PRUNE2: variants seen among roughly 807,000 people sequenced by gnomAD.
PRUNE2 encodes prune homolog 2 with BCH domain.
In PRUNE2, 164 loss-of-function variants were observed where a neutral mutation model predicts 252.0. The ratio of observed to expected loss-of-function variants is 0.65; its 90% CI spans 0.57 to 0.74. The LOEUF is 0.74. Among genes scored for constraint, PRUNE2 ranks in the 30% least tolerant of loss-of-function variants. The pLI, the probability that PRUNE2 is intolerant of heterozygous loss-of-function variation, is 0.00. For missense variants in PRUNE2, 3,495 were observed against 3,711.0 expected, an observed-to-expected ratio of 0.94 and a Z score of 1.51; for synonymous variants, 1,292 against 1,350.2, an observed-to-expected ratio of 0.96 and a Z score of 0.94.
chr9:76,746,711 CAAAAAAAAAAAA>C (rs57001696), intron 6 of PRUNE2, among the ~76,000 whole-genome samples: 16 of 76,132 alleles, frequency 2.1e-4, no homozygotes, highest in Admixed American at 3.5e-4. Context: ...GACTCCGTCT[CAAAAAAAAAAAA>C]AAAAAAAAAA....
chr9:76,625,130 T>A, intron 16 of PRUNE2: 1 of 1,032,366 alleles, frequency 9.7e-7, no homozygotes, highest in Non-Finnish European at 1.3e-6. Context: ...GTAAATGATT[T>A]AAATGACAGT....
chr9:76,798,346 T>G (rs1305415168), intron 6 of PRUNE2, among the ~76,000 whole-genome samples: 2 of 152,208 alleles, frequency 1.3e-5, no homozygotes, highest in African/African-American at 4.8e-5. Context: ...CTTTATGAAT[T>G]TGACTACTTT....
chr9:76,640,809 G>A (rs1045134581), intron 12 of PRUNE2, among the ~76,000 whole-genome samples: 15 of 152,140 alleles, frequency 9.9e-5, no homozygotes, highest in Non-Finnish European at 2.2e-4. Flanking sequence ...AAAGACAGAC[G>A]TTCATTAAAA....
chr9:76,813,332 T>C (rs1404472953), intron 6 of PRUNE2, among the ~76,000 whole-genome samples: 1 of 152,232 alleles, frequency 6.6e-6, no homozygotes, highest in Non-Finnish European at 1.5e-5. Context: ...ATCCTCAGTT[T>C]GGGCTCCTGG....
At chr9:76,852,806 GTCTATCTATCTA>G (rs71354689) in intron 2 of PRUNE2, among the ~76,000 whole-genome samples, 92 of 76,536 alleles carry the variant, frequency 1.2e-3, no homozygotes, top group African/African-American at 3.2e-3. Context: ...CTGTCTGTCT[GTCTATCTATCTA>G]TCTATCTATC....
chr9:76,892,063 G>C, intron 1 of PRUNE2, among the ~76,000 whole-genome samples: 1 of 151,794 alleles, frequency 6.6e-6, no homozygotes, highest in Non-Finnish European at 1.5e-5. Context: ...AGAGAAAGTA[G>C]CCCCCCCAGC....
chr9:76,745,221 T>G (rs937925135), intron 6 of PRUNE2, among the ~76,000 whole-genome samples: 6 of 152,176 alleles, frequency 3.9e-5, no homozygotes, highest in Non-Finnish European at 5.9e-5. Flanking sequence ...TTGGGGGACA[T>G]TAAGTTTATA....
At chr9:76,674,230 C>A (rs2042081381) in intron 9 of PRUNE2, among the ~76,000 whole-genome samples, 1 of 152,088 alleles carries the variant, frequency 6.6e-6, no homozygotes, top group African/African-American at 2.4e-5. Flanking sequence ...AATCAATGTA[C>A]AAAAATCTCA....
intron 6 of PRUNE2, among the ~76,000 whole-genome samples, chr9:76,720,470 A>G (rs547405580): frequency 1.3e-5 from 2 of 152,286 alleles, no homozygotes; most frequent in African/African-American, 4.8e-5. Flanking sequence ...CATTTTCATG[A>G]GCCTTAGTTT....
At chr9:76,723,165 C>A (rs2047793222) in intron 6 of PRUNE2, among the ~76,000 whole-genome samples, 1 of 152,048 alleles carries the variant, frequency 6.6e-6, no homozygotes, top group African/African-American at 2.4e-5. Flanking sequence ...TGAAAAAACC[C>A]AAAACTTCTA....
At position 76,706,208 on chromosome 9, in the gene PRUNE2, A is replaced by G. The variant is rs757263277; in HGVS notation, c.6066T>C (p.Ser2022=). The G allele has an allele frequency of 6.2e-7, 1 of 1,613,988 alleles. No individual in the cohort carries two copies. The highest frequency in any genetic ancestry group is 1.1e-5 in the South Asian group (1 of 91,088). The change falls in exon 8 of 19, where the codon AGT becomes AGC. Residue 2022 remains serine, a synonymous_variant. Transcript: ENST00000376718. ...SIATENFPAV[S]SPTQLIMKPG... is the part of the protein sequence containing the mutation. The stretch of plus-strand genomic sequence containing the variant: ...GCTTCATTATCAGTTGGGTGGGAGA[A>G]CTGACAGCAGGAAAATTTTCTGTGG...
At chr9:76,798,736 C>T (rs571957455) in intron 6 of PRUNE2, among the ~76,000 whole-genome samples, 40 of 152,334 alleles carry the variant, frequency 2.6e-4, no homozygotes, top group Admixed American at 2.4e-3. Flanking sequence ...CCCCCATCTT[C>T]TCTATTATTA....
In PRUNE2 at chr9:76,889,484, C is replaced by T. The variant is rs558106386; in HGVS notation, c.36+16444G>A. Among the ~76,000 whole-genome samples the T allele has an allele frequency of 3.3e-5, 5 of 152,094 alleles. No individual in the cohort carries two copies. The South Asian group carries it at 8.3e-4, about 25-fold the overall frequency. On this transcript the variant is annotated intron_variant, in intron 1 of 18. Transcript: ENST00000376718. ...TACAGGTGCACACCACTAAGCCCAG[C>T]TACTTTTTGATTTTTAGTAGAAACG...
chr9:76,636,625 CAT>C, intron 14 of PRUNE2, 68 bp from the exon 15 acceptor site: 1 of 819,060 alleles, frequency 1.2e-6, no homozygotes, highest in South Asian at 1.5e-5. Context: ...AAACATAAAA[CAT>C]ATTCCTAAAT....
chr9:76,751,754 G>T (rs561658484), intron 6 of PRUNE2, among the ~76,000 whole-genome samples: 85 of 152,276 alleles, frequency 5.6e-4, no homozygotes, highest in Non-Finnish European at 8.5e-4. Flanking sequence ...AAATAGATTT[G>T]GTTAGACAGT....
chr9:76,835,345 T>G (rs1284948812), intron 4 of PRUNE2, among the ~76,000 whole-genome samples: 3 of 151,750 alleles, frequency 2.0e-5, no homozygotes, highest in Non-Finnish European at 4.4e-5. Context: ...GAAAAAAAAG[T>G]AAGGAATGAA....
intron 11 of PRUNE2, among the ~76,000 whole-genome samples, chr9:76,647,111 G>T (rs1363335462): frequency 1.3e-5 from 2 of 152,124 alleles, no homozygotes; most frequent in Admixed American, 1.3e-4. Flanking sequence ...AGGAGGTTGA[G>T]GCTGCAGTGA....
At chr9:76,638,661 A>G (rs1416301657) in intron 12 of PRUNE2, among the ~76,000 whole-genome samples, 2 of 152,228 alleles carry the variant, frequency 1.3e-5, no homozygotes, top group Non-Finnish European at 2.9e-5. Flanking sequence ...ATACTAATAC[A>G]TAAGTACTTA....
At position 76,708,343 on chromosome 9, in the gene PRUNE2, G is replaced by GA; in HGVS notation, c.3930dup (p.Pro1311SerfsTer15). The GA allele has an allele frequency of 6.2e-7, 1 of 1,613,726 alleles. No homozygotes were observed. The highest frequency in any genetic ancestry group is 1.1e-5 in the South Asian group (1 of 91,064). On this transcript the variant is annotated frameshift_variant, in exon 8 of 19. Transcript: ENST00000376718. LOFTEE classifies it high-confidence loss of function. ...TGACCTTTCCATGGATCTGGGTGTG[G>GA]AAAATACCCTGGATTCTCAAGCCTA...
Sources: allele counts gnomAD v4.1 joint callset (sites outside exome capture counted in the v4.1 genomes callset), GRCh38; gene constraint gnomAD v4.1.1; transcripts MANE v1.5; gene names NCBI Gene and HGNC (gene_info 2026-07-23, HGNC 2026-07-21).